The following LINGO2 variants were observed in gnomAD, a reference collection of about 807,000 sequenced individuals.
LINGO2 encodes leucine-rich repeat and immunoglobulin-like domain-containing nogo receptor-interacting protein 2.
LINGO2 carries 14 observed loss-of-function variants against 30.6 expected under a neutral mutation model. The ratio of observed to expected loss-of-function variants is 0.46; its 90% CI spans 0.30 to 0.72. The LOEUF is 0.72. Ranked by LOEUF, LINGO2 falls within the 30% of genes least tolerant of loss-of-function variation. The pLI is 0.07. For synonymous variants in LINGO2, 317 were observed against 288.5 expected, an observed-to-expected ratio of 1.10 and a Z score of -1.00; for missense variants, 729 against 751.7, an observed-to-expected ratio of 0.97 and a Z score of 0.35.
chr9:28,226,158 A>C (rs1305350313), intron 4 of LINGO2, among the ~76,000 whole-genome samples: 2 of 152,218 alleles, frequency 1.3e-5, no homozygotes, highest in Non-Finnish European at 2.9e-5. Flanking sequence ...TTGGAGATTT[A>C]AAAACATGTA....
chr9:28,224,299 C>T (rs901819722), intron 4 of LINGO2, among the ~76,000 whole-genome samples: 10 of 152,122 alleles, frequency 6.6e-5, no homozygotes, highest in South Asian at 2.1e-4. Flanking sequence ...CTCCTGACCT[C>T]GTGATTTGCC....
chr9:28,628,292 G>A (rs1826776146), intron 1 of LINGO2, among the ~76,000 whole-genome samples: 1 of 152,026 alleles, frequency 6.6e-6, no homozygotes, highest in Non-Finnish European at 1.5e-5. Context: ...TATCTTTGAA[G>A]ACAGGGTTAA....
chr9:29,157,136 G>A, the LINGO2 span, among the ~76,000 whole-genome samples: 3 of 151,966 alleles, frequency 2.0e-5, no homozygotes, highest in African/African-American at 4.8e-5. Flanking sequence ...AGTTTAAAAT[G>A]CCACAAAATG....
intron 4 of LINGO2, among the ~76,000 whole-genome samples, chr9:28,103,926 G>GGA (rs1826491845): frequency 6.6e-6 from 1 of 152,210 alleles, no homozygotes; most frequent in Non-Finnish European, 1.5e-5. Context: ...GAACTATGTT[G>GGA]ACTTATACCA....
intron 1 of LINGO2, among the ~76,000 whole-genome samples, chr9:28,505,069 C>A (rs988106490): frequency 2.0e-5 from 3 of 151,638 alleles, no homozygotes; most frequent in Admixed American, 6.6e-5. Flanking sequence ...TGATGCCATG[C>A]TGAAAAAATA....
the LINGO2 span, among the ~76,000 whole-genome samples, chr9:28,726,613 T>TA: frequency 1.3e-5 from 2 of 152,124 alleles, no homozygotes; most frequent in African/African-American, 4.8e-5. Context: ...GTGATTTTTA[T>TA]AAAAAACAGC....
At chr9:27,975,398 G>A (rs554060918) in intron 5 of LINGO2, among the ~76,000 whole-genome samples, 27 of 152,138 alleles carry the variant, frequency 1.8e-4, no homozygotes, top group African/African-American at 6.0e-4. Flanking sequence ...GGGGTAAATG[G>A]GGGGGCTGGG....
chr9:29,147,132 TC>T, the LINGO2 span, among the ~76,000 whole-genome samples: 2 of 152,086 alleles, frequency 1.3e-5, no homozygotes, highest in East Asian at 3.9e-4. Flanking sequence ...TACTATATTT[TC>T]CAAATTAAAT....
At chr9:28,758,290 AC>A in the LINGO2 span, among the ~76,000 whole-genome samples, 1 of 152,222 alleles carries the variant, frequency 6.6e-6, no homozygotes, top group African/African-American at 2.4e-5. Context: ...GGTGATGGAT[AC>A]TTTTTCTTTT....
chr9:28,744,638 G>T, the LINGO2 span, among the ~76,000 whole-genome samples: 9 of 119,268 alleles, frequency 7.5e-5, no homozygotes, highest in South Asian at 2.6e-4. Flanking sequence ...GTGTGTGTGT[G>T]TATTTTTTTT....
At chr9:28,360,183 TTAAG>T (rs1030967969) in intron 3 of LINGO2, among the ~76,000 whole-genome samples, 7 of 152,238 alleles carry the variant, frequency 4.6e-5, no homozygotes, top group Admixed American at 1.3e-4. Flanking sequence ...TATTATTTTA[TTAAG>T]TAAGGCAGTG....
intron 1 of LINGO2, among the ~76,000 whole-genome samples, chr9:28,663,403 T>A (rs1420877630): frequency 6.6e-6 from 1 of 152,124 alleles, no homozygotes; most frequent in Non-Finnish European, 1.5e-5. Flanking sequence ...ACTCCTGACC[T>A]CAGATGATCC....
chr9:29,060,924 A>G, the LINGO2 span, among the ~76,000 whole-genome samples: 1 of 151,980 alleles, frequency 6.6e-6, no homozygotes, highest in East Asian at 1.9e-4. Flanking sequence ...ATGTATCTTT[A>G]GAGACCCAGG....
At position 28,653,300 on chromosome 9, in the gene LINGO2, G is replaced by C. The variant is rs188328408; in HGVS notation, c.-365+16900C>G. The stretch of plus-strand genomic sequence containing the variant: ...GTGACTGTACCACCTGGAGCTAGGG[G>C]CCTCTTCAGTCACCTTGGCAAAAAA... On this transcript the variant is annotated intron_variant, in intron 1 of 5. Coordinates refer to ENST00000379992, the Ensembl canonical transcript of LINGO2. Among the ~76,000 whole-genome samples, 461 of 152,184 alleles carry C rather than the reference G, an allele frequency of 3.0e-3. 3 individuals carry two copies. Among genetic ancestry groups the C allele is most frequent in the African/African-American group, 0.011 (446 of 41,542 alleles).
chr9:28,213,615 C>T (rs1156429502), intron 4 of LINGO2, among the ~76,000 whole-genome samples: 1 of 151,230 alleles, frequency 6.6e-6, no homozygotes, highest in East Asian at 1.9e-4. Flanking sequence ...CATTTATCTT[C>T]CCTTTCTTCT....
At chr9:28,396,782 C>T (rs1428844885) in intron 2 of LINGO2, among the ~76,000 whole-genome samples, 1 of 148,108 alleles carries the variant, frequency 6.8e-6, no homozygotes, top group East Asian at 2.0e-4. Context: ...TTCAGGCAGA[C>T]AGATCAACAA....
the LINGO2 span, among the ~76,000 whole-genome samples, chr9:28,893,668 T>C: frequency 6.6e-6 from 1 of 152,058 alleles, no homozygotes; most frequent in Admixed American, 6.6e-5. Flanking sequence ...TGAACATGCA[T>C]TAGTATGTTT....
At chr9:29,155,530 T>C in the LINGO2 span, among the ~76,000 whole-genome samples, 1 of 150,826 alleles carries the variant, frequency 6.6e-6, no homozygotes, top group Admixed American at 6.6e-5. Context: ...TTCATTATAT[T>C]CTTTTAGAAA....
chr9:28,941,516 G>GTA, the LINGO2 span, among the ~76,000 whole-genome samples: 1 of 152,072 alleles, frequency 6.6e-6, no homozygotes, highest in African/African-American at 2.4e-5. Context: ...AGGCAAAAAT[G>GTA]TATACATATT....
Sources: allele counts gnomAD v4.1 joint callset (sites outside exome capture counted in the v4.1 genomes callset), GRCh38; gene constraint gnomAD v4.1.1; transcripts MANE v1.5; gene names NCBI Gene and HGNC (gene_info 2026-07-23, HGNC 2026-07-21).